The following PTPN13 variants were observed in gnomAD, a reference collection of about 807,000 sequenced individuals.
PTPN13 encodes tyrosine-protein phosphatase non-receptor type 13.
In PTPN13, 191 loss-of-function variants were observed where a neutral mutation model predicts 284.0. That is an observed-to-expected ratio of 0.67 (90% confidence interval 0.60 to 0.76). The LOEUF is 0.76. Among genes scored for constraint, PTPN13 ranks in the 30% least tolerant of loss-of-function variants. The pLI, the probability that PTPN13 is intolerant of heterozygous loss-of-function variation, is 0.00. For synonymous variants in PTPN13, 986 were observed against 1,022.3 expected, an observed-to-expected ratio of 0.96 and a Z score of 0.68; for missense variants, 2,797 against 2,939.9, an observed-to-expected ratio of 0.95 and a Z score of 1.12.
chr4:86,614,589 T>C (rs1720329098), intron 1 of PTPN13, among the ~76,000 whole-genome samples: 1 of 152,122 alleles, frequency 6.6e-6, no homozygotes, highest in Non-Finnish European at 1.5e-5. Context: ...CAGGTAAATG[T>C]AAATGGGTAT....
At chr4:86,788,739 C>T (rs1463695866) in intron 40 of PTPN13, among the ~76,000 whole-genome samples, 2 of 152,118 alleles carry the variant, frequency 1.3e-5, no homozygotes, top group Admixed American at 1.3e-4. Flanking sequence ...ACTAATTTTG[C>T]TGGGGATAAT....
intron 40 of PTPN13, among the ~76,000 whole-genome samples, chr4:86,793,402 A>G (rs557805790): frequency 6.6e-6 from 1 of 152,252 alleles, no homozygotes; most frequent in South Asian, 2.1e-4. Flanking sequence ...CACAATAATA[A>G]TGGGAGACTT....
intron 1 of PTPN13, among the ~76,000 whole-genome samples, chr4:86,608,186 A>G (rs1299790975): frequency 6.6e-6 from 1 of 152,074 alleles, no homozygotes; most frequent in East Asian, 1.9e-4. Context: ...AAGGCCAGAA[A>G]AAAATAGTGA....
At chr4:86,779,899 C>T (rs577294769) in intron 35 of PTPN13, among the ~76,000 whole-genome samples, 36 of 152,100 alleles carry the variant, frequency 2.4e-4, no homozygotes, top group Non-Finnish European at 3.5e-4. Context: ...AAGAAAAACA[C>T]GTATCAAGGG....
At chr4:86,635,629 T>A (rs778318404) in intron 2 of PTPN13, among the ~76,000 whole-genome samples, 16 of 152,128 alleles carry the variant, frequency 1.1e-4, no homozygotes, top group Non-Finnish European at 1.6e-4. Context: ...ACAGTTCTTC[T>A]CAGTTTAGAG....
intron 7 of PTPN13, among the ~76,000 whole-genome samples, chr4:86,705,333 C>CAAA (rs759784072): frequency 4.2e-5 from 4 of 95,386 alleles, no homozygotes; most frequent in Non-Finnish European, 6.5e-5. Context: ...GACTCCGTCT[C>CAAA]AAAAAAAAAA....
At chr4:86,768,788 G>A (rs1239763533) in intron 28 of PTPN13, among the ~76,000 whole-genome samples, 4 of 144,616 alleles carry the variant, frequency 2.8e-5, no homozygotes, top group Non-Finnish European at 4.5e-5. Context: ...TTGGCTCACT[G>A]CAACCTCCGC....
At chr4:86,676,682 T>A (rs1281366693) in intron 3 of PTPN13, among the ~76,000 whole-genome samples, 1 of 152,208 alleles carries the variant, frequency 6.6e-6, no homozygotes, top group East Asian at 1.9e-4. Context: ...CATACAGGCT[T>A]AAGTAAAAGG....
At chr4:86,738,827 T>A (rs1735829489) in intron 15 of PTPN13, among the ~76,000 whole-genome samples, 3 of 152,082 alleles carry the variant, frequency 2.0e-5, no homozygotes, top group Non-Finnish European at 4.4e-5. Flanking sequence ...ATTATAGATG[T>A]GCACCACCAT....
At chr4:86,805,638 G>A (rs1744569597) in intron 44 of PTPN13, among the ~76,000 whole-genome samples, 1 of 152,238 alleles carries the variant, frequency 6.6e-6, no homozygotes, top group African/African-American at 2.4e-5. Context: ...AAATTAGTCG[G>A]TGATGCCAAA....
rs1426400308 is a variant in PTPN13, at chr4:86,734,765, C to T, written c.2041C>T (p.Leu681Phe). 3 of 1,612,948 alleles carry T rather than the reference C, an allele frequency of 1.9e-6. No homozygotes were observed. The highest frequency in any genetic ancestry group is 2.5e-6 in the Non-Finnish European group (3 of 1,179,350). ...TACTCTGACGTGTCATCAGTATTACCTTCAGCTTCGAAAAGATATTTTGGA... is the reference window on the plus strand; with the variant it reads ...TACTCTGACGTGTCATCAGTATTACTTTCAGCTTCGAAAAGATATTTTGGA... ...QHTLTCHQYYLQLRKDILEER... is the reference protein window; with the variant it reads ...QHTLTCHQYYFQLRKDILEER... Residue 681 changes from leucine to phenylalanine, a missense_variant, in exon 14 of 48, where the codon CTT becomes TTT. By Grantham distance (22) the Leu-to-Phe change is conservative. Coordinates refer to ENST00000411767, the MANE Select transcript of PTPN13 (RefSeq NM_080683.3).
At chr4:86,728,065 G>C (rs1224070580) in intron 10 of PTPN13, among the ~76,000 whole-genome samples, 1 of 149,426 alleles carries the variant, frequency 6.7e-6, no homozygotes, top group Admixed American at 6.7e-5. Flanking sequence ...CCTTCATTTT[G>C]TTATATACCC....
intron 2 of PTPN13, among the ~76,000 whole-genome samples, chr4:86,641,435 G>C (rs1480381436): frequency 1.3e-5 from 2 of 152,082 alleles, no homozygotes; most frequent in African/African-American, 2.4e-5. Context: ...CTGGAAATAA[G>C]CATTTCTACT....
Position 86,741,817 on chromosome 4 carries a change from G to A in PTPN13, c.2487+1G>A. ...GGAAACCAAGAAAATATCTTTTTCT[G>A]TATGTCCATTTAACCTCTTTTCATT... On this transcript the variant is annotated splice_donor_variant, in intron 16 of 47. Transcript: ENST00000411767. LOFTEE classifies it high-confidence loss of function. 1 of 1,584,114 alleles carries A rather than the reference G, an allele frequency of 6.3e-7. No individual in the cohort carries two copies. The highest frequency in any genetic ancestry group is 2.3e-5 in the East Asian group (1 of 44,086).
intron 3 of PTPN13, among the ~76,000 whole-genome samples, chr4:86,684,744 G>A (rs1729258651): frequency 6.6e-6 from 1 of 152,090 alleles, no homozygotes; most frequent in African/African-American, 2.4e-5. Context: ...AGTAAATAAA[G>A]ACAAGAAAAT....
chr4:86,622,270 C>T (rs754459873), intron 1 of PTPN13, among the ~76,000 whole-genome samples: 1 of 152,100 alleles, frequency 6.6e-6, no homozygotes, highest in Non-Finnish European at 1.5e-5. Flanking sequence ...TACTTTTTAT[C>T]ATTTACTGTA....
At chr4:86,666,230 G>C (rs552780592) in intron 2 of PTPN13, among the ~76,000 whole-genome samples, 1 of 152,126 alleles carries the variant, frequency 6.6e-6, no homozygotes, top group Non-Finnish European at 1.5e-5. Context: ...ACTATAAAAA[G>C]AATGAAATGA....
chr4:86,785,414 A>T (rs766330535), intron 39 of PTPN13, 46 bp downstream of exon 39: 3 of 1,538,270 alleles, frequency 2.0e-6, no homozygotes, highest in Non-Finnish European at 2.6e-6. Context: ...GAGTACAAAA[A>T]CGTCTCTAGG....
chr4:86,805,829 C>T (rs777516383), intron 44 of PTPN13, among the ~76,000 whole-genome samples: 1 of 152,076 alleles, frequency 6.6e-6, no homozygotes, highest in African/African-American at 2.4e-5. Context: ...TACCAGCCTA[C>T]ATTAGACATT....
Sources: allele counts gnomAD v4.1 joint callset (sites outside exome capture counted in the v4.1 genomes callset), GRCh38; gene constraint gnomAD v4.1.1; transcripts MANE v1.5; gene names NCBI Gene and HGNC (gene_info 2026-07-23, HGNC 2026-07-21).